Variants in PKNOX2 observed in about 807,000 individuals in gnomAD.
The protein encoded by PKNOX2 is PBX/knotted 1 homeobox 2.
Under a neutral mutation model 53.1 loss-of-function variants are expected in PKNOX2, and 14 were observed. That is an observed-to-expected ratio of 0.26 (90% CI 0.17 to 0.41). PKNOX2 has a LOEUF of 0.41. PKNOX2 is among the 10% of genes least tolerant of loss of function. PKNOX2 has a pLI of 1.00. For missense variants in PKNOX2, 496 were observed against 602.8 expected, an observed-to-expected ratio of 0.82 and a Z score of 1.85; for synonymous variants, 257 against 242.8, an observed-to-expected ratio of 1.06 and a Z score of -0.54.
chr11:125,311,710 G>A (rs984741141), intron 2 of PKNOX2, among the ~76,000 whole-genome samples: 5 of 152,164 alleles, frequency 3.3e-5, no homozygotes, highest in Admixed American at 6.5e-5. Flanking sequence ...GGGGTAGAAC[G>A]TAGCCTCGAA....
chr11:125,432,348 A>C lies in PKNOX2; in HGVS notation c.*956A>C, dbSNP rs1956739104. 1 of 152,882 alleles carries C rather than the reference A, an allele frequency of 6.5e-6. No homozygotes were observed. The highest frequency in any genetic ancestry group is 2.4e-5 in the African/African-American group (1 of 41,450). 9.5% of individuals were successfully genotyped at this position (152,882 alleles called of 1,614,324 possible). On this transcript the variant is annotated 3_prime_UTR_variant, in exon 13 of 13. Coordinates refer to ENST00000298282, the MANE Select transcript of PKNOX2 (RefSeq NM_001382323.2). ...TTATCTGGGAATCTTTCCAGCCCGC[A>C]GGTCGCCACGGCCATCCCTTTGCTC... is the stretch of plus-strand genomic sequence containing the variant.
At chr11:125,391,749 A>G (rs552253124) in intron 6 of PKNOX2, among the ~76,000 whole-genome samples, 1 of 152,300 alleles carries the variant, frequency 6.6e-6, no homozygotes, top group Non-Finnish European at 1.5e-5. Flanking sequence ...TTTGATGCAG[A>G]CTTCTTAGAA....
At chr11:125,302,898 G>T (rs1482135109) in intron 2 of PKNOX2, among the ~76,000 whole-genome samples, 1 of 152,240 alleles carries the variant, frequency 6.6e-6, no homozygotes, top group Non-Finnish European at 1.5e-5. Flanking sequence ...AGCCAGTGCA[G>T]TGGTGTGCAG....
In PKNOX2 at chr11:125,385,605, C is replaced by T; in HGVS notation, c.282C>T (p.Thr94=). Residue 94 remains threonine, a synonymous_variant, in exon 6 of 13, where the codon ACC becomes ACT. Transcript: ENST00000298282. ...TLLFEKCEQA[T]QGSECITSAS... ...TGTTTGAGAAATGTGAACAGGCCAC[C>T]CAGGGCTCTGAGTGCATCACCTCCG... The T allele has an allele frequency of 6.2e-7, 1 of 1,613,196 alleles. No individual in the cohort carries two copies. The highest frequency in any genetic ancestry group is 8.5e-7 in the Non-Finnish European group (1 of 1,179,714).
chr11:125,399,012 C>A (rs1184532730), intron 7 of PKNOX2, among the ~76,000 whole-genome samples: 1 of 152,240 alleles, frequency 6.6e-6, no homozygotes, highest in Non-Finnish European at 1.5e-5. Flanking sequence ...CCTAAGGAAC[C>A]ACCCATGTAC....
rs1484843687 is a variant in PKNOX2, at chr11:125,240,489, G to A, written c.-130+5374G>A. Among the ~76,000 whole-genome samples the A allele has an allele frequency of 1.3e-5, 2 of 152,088 alleles. No homozygotes were observed. The highest frequency in any genetic ancestry group is 4.8e-5 in the African/African-American group (2 of 41,410). ...ATGGGAGGGAGGAGAGAGAAGAGGT[G>A]GAAAGGGAGAGAGACCCTTTCCCGC... On this transcript the variant is annotated intron_variant, in intron 2 of 12. Transcript: ENST00000298282. This position sits in a 1 kb window ranked among gnomAD's most constrained non-coding sequence, Gnocchi z 4.3.
chr11:125,308,186 T>A (rs1317329456), intron 2 of PKNOX2, among the ~76,000 whole-genome samples: 2 of 152,212 alleles, frequency 1.3e-5, no homozygotes, highest in African/African-American at 4.8e-5. Flanking sequence ...TATTACTGCT[T>A]CTTGCTGCCC....
At chr11:125,389,159 C>T (rs1026531797) in intron 6 of PKNOX2, among the ~76,000 whole-genome samples, 2 of 152,182 alleles carry the variant, frequency 1.3e-5, no homozygotes, top group African/African-American at 4.8e-5. Flanking sequence ...CATGCCACTG[C>T]ACTCCAGCCT....
chr11:125,179,775 T>C (rs1012372623), intron 1 of PKNOX2, among the ~76,000 whole-genome samples: 42 of 152,224 alleles, frequency 2.8e-4, no homozygotes, highest in African/African-American at 9.4e-4. Context: ...CCTCAGTTTT[T>C]CTGCCCCAAA....
chr11:125,378,789 C>T (rs1168792958), intron 5 of PKNOX2, among the ~76,000 whole-genome samples: 2 of 152,202 alleles, frequency 1.3e-5, no homozygotes, highest in Non-Finnish European at 2.9e-5. Flanking sequence ...TCACATCTCC[C>T]CTTGCCGGTG....
intron 7 of PKNOX2, among the ~76,000 whole-genome samples, chr11:125,401,045 T>G (rs778318793): frequency 6.7e-6 from 1 of 149,766 alleles, no homozygotes; most frequent in Non-Finnish European, 1.5e-5. Flanking sequence ...AAGTATTTAT[T>G]GAAAGAAATA....
intron 1 of PKNOX2, among the ~76,000 whole-genome samples, chr11:125,225,433 C>A (rs1483060415): frequency 6.6e-6 from 1 of 152,242 alleles, no homozygotes; most frequent in Non-Finnish European, 1.5e-5. Context: ...GTCTCCACCA[C>A]TCTCTGAACT....
intron 6 of PKNOX2, among the ~76,000 whole-genome samples, chr11:125,396,346 T>C (rs1209151821): frequency 6.6e-6 from 1 of 152,172 alleles, no homozygotes; most frequent in Non-Finnish European, 1.5e-5. Flanking sequence ...GGTTTATAGT[T>C]TTCTGTCTTA....
intron 2 of PKNOX2, among the ~76,000 whole-genome samples, chr11:125,266,221 A>G (rs1212877019): frequency 6.6e-6 from 1 of 152,222 alleles, no homozygotes; most frequent in Non-Finnish European, 1.5e-5. Flanking sequence ...CGTCAGTGGT[A>G]AGATTTCTCT....
intron 5 of PKNOX2, among the ~76,000 whole-genome samples, chr11:125,378,349 C>T (rs1428013508): frequency 6.6e-6 from 1 of 152,252 alleles, no homozygotes; most frequent in African/African-American, 2.4e-5. Context: ...GACCAGGCCT[C>T]TGGTCCTGCT....
intron 2 of PKNOX2, among the ~76,000 whole-genome samples, chr11:125,283,784 G>A (rs1050577863): frequency 6.6e-6 from 1 of 152,196 alleles, no homozygotes; most frequent in Non-Finnish European, 1.5e-5. Flanking sequence ...GAGTGGGGAA[G>A]AAGGGAATCA....
chr11:125,288,816 A>G (rs1947101790), intron 2 of PKNOX2, among the ~76,000 whole-genome samples: 1 of 152,210 alleles, frequency 6.6e-6, no homozygotes, highest in Non-Finnish European at 1.5e-5. Flanking sequence ...CACTCAACCC[A>G]GACCCCCTGA....
intron 8 of PKNOX2, 49 bp downstream of exon 8, chr11:125,410,374 G>T (rs1419554125): frequency 1.4e-5 from 22 of 1,609,224 alleles, no homozygotes; most frequent in Non-Finnish European, 1.8e-5. Context: ...CCTGGGAGGA[G>T]AAAGGGTGGC....
chr11:125,303,132 C>T (rs763614696), intron 2 of PKNOX2, among the ~76,000 whole-genome samples: 8 of 152,196 alleles, frequency 5.3e-5, no homozygotes, highest in Admixed American at 6.5e-5. Context: ...ACTGTGTCTC[C>T]GTACCCTCCA....
Sources: allele counts gnomAD v4.1 joint callset (sites outside exome capture counted in the v4.1 genomes callset), GRCh38; gene constraint gnomAD v4.1.1; non-coding constraint Gnocchi (gnomAD v3.1); transcripts MANE v1.5; gene names NCBI Gene and HGNC (gene_info 2026-07-23, HGNC 2026-07-21).